The following TAFA1 variants were observed in gnomAD, a reference collection of about 807,000 sequenced individuals.
TAFA1 encodes TAFA chemokine like family member 1.
TAFA1 carries 4 observed loss-of-function variants against 18.5 expected under a neutral mutation model. That is an observed-to-expected ratio of 0.22 (90% CI 0.11 to 0.49). TAFA1 has a LOEUF of 0.49. Among genes scored for constraint, TAFA1 ranks in the 20% least tolerant of loss-of-function variants. TAFA1 has a pLI of 0.98. For synonymous variants in TAFA1, 56 were observed against 55.2 expected, an observed-to-expected ratio of 1.01 and a Z score of -0.06; for missense variants, 147 against 169.0, an observed-to-expected ratio of 0.87 and a Z score of 0.72.
chr3:68,028,515 C>T (rs910350492), intron 2 of TAFA1, among the ~76,000 whole-genome samples: 2 of 152,068 alleles, frequency 1.3e-5, no homozygotes, highest in African/African-American at 4.8e-5. Flanking sequence ...AATTTTTTCT[C>T]TCATGTTTCT....
At chr3:68,020,876 G>T (rs956886891) in intron 2 of TAFA1, among the ~76,000 whole-genome samples, 1 of 152,036 alleles carries the variant, frequency 6.6e-6, no homozygotes, top group African/African-American at 2.4e-5. Flanking sequence ...AGGTGAAGGT[G>T]GTCTAGTTAA....
At chr3:68,114,535 A>G (rs559536446) in intron 2 of TAFA1, among the ~76,000 whole-genome samples, 1 of 152,314 alleles carries the variant, frequency 6.6e-6, no homozygotes, top group African/African-American at 2.4e-5. Flanking sequence ...CTTCAATGAG[A>G]TCGCTACCAG....
chr3:68,470,411 A>G (rs149627776), intron 3 of TAFA1, among the ~76,000 whole-genome samples: 2,134 of 152,314 alleles, frequency 0.014, 63 homozygotes, highest in African/African-American at 0.048. Flanking sequence ...GGTAACAGGC[A>G]GAGGTTGGAA....
intron 2 of TAFA1, among the ~76,000 whole-genome samples, chr3:68,339,491 A>G (rs908469982): frequency 3.5e-4 from 54 of 152,330 alleles, no homozygotes; most frequent in African/African-American, 1.2e-3. Flanking sequence ...TTTTTTGAAG[A>G]CATTATATTA....
chr3:68,521,387 G>A (rs188584379), intron 3 of TAFA1, among the ~76,000 whole-genome samples: 2 of 152,292 alleles, frequency 1.3e-5, no homozygotes, highest in Non-Finnish European at 2.9e-5. Flanking sequence ...CTTTTCTGTA[G>A]CCAATTTACA....
At chr3:68,287,362 G>A (rs547112577) in intron 2 of TAFA1, among the ~76,000 whole-genome samples, 2 of 152,230 alleles carry the variant, frequency 1.3e-5, no homozygotes, top group South Asian at 2.1e-4. Flanking sequence ...TTGTTTTAAT[G>A]TCAGCTGTTC....
chr3:68,419,102 A>G (rs562328216), intron 3 of TAFA1, among the ~76,000 whole-genome samples: 2 of 152,280 alleles, frequency 1.3e-5, no homozygotes, highest in Admixed American at 6.5e-5. Context: ...TGTCCTCACA[A>G]CGTGGTAGCT....
intron 3 of TAFA1, among the ~76,000 whole-genome samples, chr3:68,483,451 C>T (rs1426265078): frequency 2.6e-5 from 4 of 152,186 alleles, no homozygotes; most frequent in Admixed American, 2.6e-4. Flanking sequence ...ACTGAACACT[C>T]TTTATGTGCT....
intron 2 of TAFA1, among the ~76,000 whole-genome samples, chr3:68,375,858 G>A (rs2069801546): frequency 6.6e-6 from 1 of 152,122 alleles, no homozygotes; most frequent in African/African-American, 2.4e-5. Context: ...CAATGGAGGG[G>A]AAAGAAAACC....
intron 2 of TAFA1, among the ~76,000 whole-genome samples, chr3:68,092,279 A>T (rs967639577): frequency 6.6e-6 from 1 of 151,978 alleles, no homozygotes; most frequent in African/African-American, 2.4e-5. Context: ...TGAACTGCTG[A>T]TTCTAGATTT....
At chr3:68,017,736 T>G (rs917696980) in intron 2 of TAFA1, among the ~76,000 whole-genome samples, 1 of 152,240 alleles carries the variant, frequency 6.6e-6, no homozygotes, top group East Asian at 1.9e-4. Context: ...TGTCAACTTC[T>G]GAGAGTTGAA....
intron 2 of TAFA1, among the ~76,000 whole-genome samples, chr3:68,022,103 G>T (rs1180294781): frequency 3.9e-5 from 6 of 151,996 alleles, no homozygotes; most frequent in Non-Finnish European, 7.4e-5. Context: ...ACATTAATAG[G>T]TTGCCAAAAC....
chr3:68,414,023 G>A (rs761364838), intron 2 of TAFA1, among the ~76,000 whole-genome samples: 17 of 152,014 alleles, frequency 1.1e-4, no homozygotes, highest in African/African-American at 3.9e-4. Flanking sequence ...ATAACAAATC[G>A]GCTGGGCACG....
chr3:68,506,268 T>A (rs374312987), intron 3 of TAFA1, among the ~76,000 whole-genome samples: 3 of 152,068 alleles, frequency 2.0e-5, no homozygotes, highest in African/African-American at 7.2e-5. Flanking sequence ...TATGCCACAT[T>A]TTCTTTATCC....
chr3:68,512,631 T>C (rs192750498), intron 3 of TAFA1, among the ~76,000 whole-genome samples: 4 of 152,270 alleles, frequency 2.6e-5, no homozygotes, highest in Admixed American at 2.6e-4. Context: ...TATTCCTTCA[T>C]TTTATGAGAA....
At chr3:67,996,068 G>T in the TAFA1 span, among the ~76,000 whole-genome samples, 4 of 152,194 alleles carry the variant, frequency 2.6e-5, no homozygotes, top group Non-Finnish European at 5.9e-5. Flanking sequence ...CACATTAAAG[G>T]CCTTAAATCT....
chr3:68,430,135 A>C (rs2071140595), intron 3 of TAFA1, among the ~76,000 whole-genome samples: 1 of 151,942 alleles, frequency 6.6e-6, no homozygotes, highest in South Asian at 2.1e-4. Flanking sequence ...CCACACATTC[A>C]GAAGGAAAAG....
intron 3 of TAFA1, among the ~76,000 whole-genome samples, chr3:68,495,998 C>CAAAAAAAAAAAAAA (rs199520960): frequency 9.3e-6 from 1 of 107,538 alleles, no homozygotes; most frequent in Non-Finnish European, 1.8e-5. Flanking sequence ...TTCCCTGAAG[C>CAAAAAAAAAAAAAA]AAAAAAAAAA....
chr3:68,364,632 G>A lies in TAFA1; in HGVS notation c.119-52648G>A, dbSNP rs1282554791. Among the ~76,000 whole-genome samples the A allele has an allele frequency of 2.0e-5, 3 of 152,138 alleles. No individual in the cohort carries two copies. The East Asian group carries it at 5.8e-4, about 29-fold the overall frequency. On this transcript the variant is annotated intron_variant, in intron 2 of 4. Transcript: ENST00000478136. ...ACATGAAAGTTTCTAGGGAAACTGA[G>A]ATGTATATCTAAGAAAAGCATAGAC...
Sources: gnomAD v4.1 joint callset for allele counts (sites outside exome capture counted in the v4.1 genomes callset) on GRCh38, gnomAD v4.1.1 for gene constraint, MANE v1.5 for transcripts, NCBI Gene and HGNC (gene_info 2026-07-23, HGNC 2026-07-21) for gene names.